The following PCDH11Y variants were observed in gnomAD, a reference collection of about 807,000 sequenced individuals.
The protein encoded by PCDH11Y is protocadherin 11 Y-linked.
For synonymous variants in PCDH11Y, 9 were observed against 83.6 expected (o/e 0.11, Z 4.87); for missense variants, 12 against 224.8 (o/e 0.05, Z 6.05).
intron 2 of PCDH11Y, among the ~76,000 whole-genome samples, chrY:5,119,405 T>C: frequency 3.2e-5 from 1 of 31,048 alleles, no homozygotes; most frequent in Admixed American, 3.1e-4. Context: ...TATAATATGA[T>C]TCTAATGTCC....
At chrY:5,108,193 C>T (rs2052796679), downstream of PCDH11Y, among the ~76,000 whole-genome samples, 1 of 32,435 alleles carries the variant, frequency 3.1e-5, no homozygotes, top group Admixed American at 2.8e-4. Context: ...CCCCTGCAAG[C>T]ACTCAAAGAA....
chrY:5,235,988 G>GT (rs2052974708), intron 2 of PCDH11Y, among the ~76,000 whole-genome samples: 19 of 33,402 alleles, frequency 5.7e-4, no homozygotes, highest in African/African-American at 2.2e-3. Flanking sequence ...AAGTGCCCCA[G>GT]TTTCATAGCA....
intron 4 of PCDH11Y, among the ~76,000 whole-genome samples, chrY:5,642,163 G>T: frequency 3.0e-5 from 1 of 32,913 alleles, no homozygotes; most frequent in Non-Finnish European, 7.5e-5. Flanking sequence ...TTAAGATTTG[G>T]CCACTAAGAA....
chrY:5,215,217 T>C, intron 2 of PCDH11Y, among the ~76,000 whole-genome samples: 1 of 31,539 alleles, frequency 3.2e-5, no homozygotes, highest in African/African-American at 1.2e-4. Context: ...TTTCCAGGGA[T>C]AGCGGAAATC....
intron 3 of PCDH11Y, among the ~76,000 whole-genome samples, chrY:5,551,902 C>A (rs2053419001): frequency 3.1e-5 from 1 of 32,780 alleles, no homozygotes; most frequent in South Asian, 6.9e-4. Context: ...ATTCACTCTT[C>A]ATCAAACATA....
intron 2 of PCDH11Y, among the ~76,000 whole-genome samples, chrY:5,378,018 C>T (rs2053200082): frequency 3.0e-5 from 1 of 33,341 alleles, no homozygotes; most frequent in African/African-American, 1.2e-4. Context: ...AGATTACAGG[C>T]GTGAGCCACC....
intron 4 of PCDH11Y, among the ~76,000 whole-genome samples, chrY:5,727,092 G>A: frequency 3.0e-5 from 1 of 32,877 alleles, no homozygotes; most frequent in African/African-American, 1.2e-4. Flanking sequence ...TTGGTACTAA[G>A]CATGATAGGG....
chrY:5,198,021 A>C, intron 2 of PCDH11Y, among the ~76,000 whole-genome samples: 4 of 31,878 alleles, frequency 1.3e-4, no homozygotes, highest in Non-Finnish European at 3.1e-4. Context: ...ACAGATTGTA[A>C]GTGTTCTCAC....
chrY:5,657,027 G>A, intron 4 of PCDH11Y, among the ~76,000 whole-genome samples: 1 of 33,504 alleles, frequency 3.0e-5, no homozygotes. Flanking sequence ...ATTAACTATT[G>A]GCATATAGAA....
chrY:5,728,299 G>GT (rs2053600488), intron 4 of PCDH11Y, among the ~76,000 whole-genome samples: 1 of 32,570 alleles, frequency 3.1e-5, no homozygotes, highest in Non-Finnish European at 7.6e-5. Context: ...GAATTGCTGG[G>GT]TTTTTTTTCT....
At chrY:5,117,450 G>T (rs2052812191) in intron 2 of PCDH11Y, among the ~76,000 whole-genome samples, 45 of 32,892 alleles carry the variant, frequency 1.4e-3, no homozygotes, top group Non-Finnish European at 6.7e-4. Context: ...GCTATACAAG[G>T]TGGTTGAGTG....
At chrY:5,492,757 A>G (rs2124687071) in intron 2 of PCDH11Y, among the ~76,000 whole-genome samples, 4 of 29,741 alleles carry the variant, frequency 1.3e-4, no homozygotes, top group African/African-American at 5.3e-4. Context: ...AGATGCAACT[A>G]TTTTAATTTA....
At chrY:5,677,014 C>T (rs2053554198) in intron 4 of PCDH11Y, among the ~76,000 whole-genome samples, 1 of 32,278 alleles carries the variant, frequency 3.1e-5, no homozygotes, top group Non-Finnish European at 7.5e-5. Context: ...AGTTTATTCT[C>T]ACAGTGACAT....
chrY:5,252,047 A>G, intron 2 of PCDH11Y, among the ~76,000 whole-genome samples: 1 of 32,412 alleles, frequency 3.1e-5, no homozygotes, highest in Non-Finnish European at 7.6e-5. Context: ...CCTAGGGTCC[A>G]TGTTTATTAT....
At chrY:5,232,524 G>T (rs1602890037) in intron 2 of PCDH11Y, among the ~76,000 whole-genome samples, 1 of 31,964 alleles carries the variant, frequency 3.1e-5, no homozygotes, top group Non-Finnish European at 7.6e-5. Flanking sequence ...ACTCTGACCA[G>T]TGCCTTATCC....
At chrY:5,622,784 C>T (rs2053501792) in intron 4 of PCDH11Y, among the ~76,000 whole-genome samples, 1 of 31,149 alleles carries the variant, frequency 3.2e-5, no homozygotes, top group Non-Finnish European at 7.6e-5. Context: ...AGCCATTATC[C>T]TCAGCAAACT....
At chrY:5,643,033 CT>C (rs2053524274) in intron 4 of PCDH11Y, among the ~76,000 whole-genome samples, 1 of 33,476 alleles carries the variant, frequency 3.0e-5, no homozygotes, top group African/African-American at 1.2e-4. Flanking sequence ...AGCTTCTTCT[CT>C]TTTTGTTTTT....
chrY:5,424,338 C>T, intron 2 of PCDH11Y, among the ~76,000 whole-genome samples: 2 of 33,335 alleles, frequency 6.0e-5, no homozygotes, highest in Non-Finnish European at 1.5e-4. Context: ...TTGTTTTCTT[C>T]CTCGGGTTTT....
intron 2 of PCDH11Y, among the ~76,000 whole-genome samples, chrY:5,304,681 G>T: frequency 3.0e-5 from 1 of 32,797 alleles, no homozygotes; most frequent in Non-Finnish European, 7.5e-5. Context: ...CAACGACTTG[G>T]CCCAGCATGC....
Sources: allele counts gnomAD v4.1 joint callset (sites outside exome capture counted in the v4.1 genomes callset), GRCh38; gene constraint gnomAD v4.1.1; transcripts MANE v1.5; gene names NCBI Gene and HGNC (gene_info 2026-07-23, HGNC 2026-07-21).